The following TNNT2 variants were observed in gnomAD, a reference collection of about 807,000 sequenced individuals.
TNNT2 encodes troponin T, cardiac muscle.
Under a neutral mutation model 62.4 loss-of-function variants are expected in TNNT2, and 34 were observed. That is an observed-to-expected ratio of 0.54 (90% CI 0.41 to 0.72). TNNT2 has a LOEUF of 0.72. TNNT2 is among the 30% of genes least tolerant of loss of function. The probability of loss-of-function intolerance (pLI) is 0.00; values close to 1 mark genes in which losing one functional copy is unlikely to be tolerated. For synonymous variants in TNNT2, 123 were observed against 127.2 expected, an observed-to-expected ratio of 0.97 and a Z score of 0.22; for missense variants, 275 against 381.9, an observed-to-expected ratio of 0.72 and a Z score of 2.33.
chr1:201,365,211 C>T lies in TNNT2; in HGVS notation c.391G>A (p.Val131Ile), dbSNP rs537067344. ...CCTACGATCCTGTCTTTGAGAGAAACGAGCTCCTCCTCCTCTTTCTTCCTG... is the reference window on the plus strand; with the variant it reads ...CCTACGATCCTGTCTTTGAGAGAAATGAGCTCCTCCTCCTCTTTCTTCCTG... ...ENRKKEEEEL[V>I]SLKDRIERRR... Residue 131 changes from valine to isoleucine, a missense_variant, in exon 10 of 17, where the codon GTT becomes ATT. Physicochemically the swap from Val to Ile is conservative, Grantham distance 29 (BLOSUM62 3). Transcript: ENST00000656932. The T allele has an allele frequency of 5.1e-5, 82 of 1,614,058 alleles. No homozygotes were observed. The highest frequency in any genetic ancestry group is 5.6e-5 in the Non-Finnish European group (66 of 1,179,910).
chr1:201,365,638 A>T lies in TNNT2; in HGVS notation c.266T>A (p.Ile89Asn), dbSNP rs121964855. The change falls in exon 9 of 17, where the codon ATC (isoleucine) becomes AAC (asparagine). Residue 89 changes from isoleucine (I) to asparagine (N), a missense_variant. Ile to Asn is a moderately radical substitution (Grantham distance 149). Transcript: ENST00000656932. ...SFMPNLVPPK[I>N]PDGERVDFDD... ...AAAGTCCACTCTCTCTCCATCGGGG[A>T]TCTTGGGAGGCACCAAGTTGGGCAT... 2 of 1,613,916 alleles carry T rather than the reference A, an allele frequency of 1.2e-6. No individual in the cohort carries two copies. The highest frequency in any genetic ancestry group is 1.7e-6 in the Non-Finnish European group (2 of 1,180,000).
intron 2 of TNNT2, 185 bp downstream of exon 2, chr1:201,373,029 C>T: frequency 1.4e-6 from 1 of 734,656 alleles, no homozygotes; most frequent in Non-Finnish European, 2.5e-6. Context: ...CTGTGCTCTG[C>T]CTGGGATCTA....
intron 8 of TNNT2, chr1:201,366,367 C>A: frequency 1.7e-5 from 18 of 1,032,664 alleles, no homozygotes; most frequent in Non-Finnish European, 2.1e-5. Flanking sequence ...CCCCCAGCCC[C>A]CCCCAGCACA....
intron 8 of TNNT2, chr1:201,366,561 G>A (rs967324429): frequency 1.5e-6 from 2 of 1,347,216 alleles, no homozygotes; most frequent in Non-Finnish European, 1.9e-6. Flanking sequence ...TGTGAGAGAG[G>A]AGAGTGTCCG....
intron 15 of TNNT2, chr1:201,361,030 G>C: frequency 1.8e-6 from 1 of 560,718 alleles, no homozygotes; most frequent in South Asian, 1.9e-5. Context: ...AGACCCCCAG[G>C]GTTGGAACAC....
intron 1 of TNNT2, among the ~76,000 whole-genome samples, chr1:201,376,447 G>A (rs1038030682): frequency 2.0e-5 from 3 of 152,096 alleles, no homozygotes; most frequent in Non-Finnish European, 2.9e-5. Context: ...CCCAGCACTC[G>A]AATGGGATTT....
chr1:201,369,897 C>A, intron 4 of TNNT2, 52 bp from the exon 5 acceptor site: 1 of 1,612,648 alleles, frequency 6.2e-7, no homozygotes, highest in Non-Finnish European at 8.5e-7. Flanking sequence ...ACAGGTTAGT[C>A]TGGGAGCAGA....
In TNNT2 at chr1:201,365,466, T is replaced by A; in HGVS notation, c.294+144A>T. 2.5e-6 allele frequency: 3 copies of A among 1,200,314 alleles called. No homozygotes were observed. In the South Asian group the frequency reaches 3.7e-5, roughly 15 times the overall value. The allele number at this position is 1,200,314 out of a possible 1,614,324, so 74.4% of individuals were successfully genotyped here. ...CTGTGGCCTGAACCCAGGACCACGC[T>A]CATGGATGGGCACCCAGCCTGGCTG... On this transcript the variant is annotated intron_variant, in intron 9 of 16. Transcript: ENST00000656932.
rs1464219248 is a variant in TNNT2, at chr1:201,360,863, G to A, written c.810+416C>T. ...GGACTCCGAAAGACTGTGAGCTTGA[G>A]GCTCAGCCTAATTGTGCCCACACCA... On this transcript the variant is annotated intron_variant, in intron 15 of 16. Coordinates refer to ENST00000656932, the MANE Select transcript of TNNT2 (RefSeq NM_001276345.2). The A allele has an allele frequency of 1.5e-5, 5 of 323,604 alleles. No individual in the cohort carries two copies. The East Asian group carries it at 4.0e-4, about 26-fold the overall frequency. 20.0% of individuals were successfully genotyped at this position (323,604 alleles called of 1,614,324 possible).
chr1:201,366,593 G>A, intron 8 of TNNT2: 2 of 1,405,796 alleles, frequency 1.4e-6, no homozygotes, highest in Non-Finnish European at 9.3e-7. Flanking sequence ...TCCTCTAGAA[G>A]AACATAGCCC....
chr1:201,359,052 G>A lies in TNNT2; in HGVS notation c.*158C>T, dbSNP rs1368190972. 1.2e-6 allele frequency: 1 copy of A among 816,370 alleles called. No homozygotes were observed. The highest frequency in any genetic ancestry group is 1.7e-5 in the African/African-American group (1 of 59,250). 50.6% of individuals were successfully genotyped at this position (816,370 alleles called of 1,614,324 possible). On this transcript the variant is annotated 3_prime_UTR_variant, in exon 17 of 17. Transcript: ENST00000656932. ...GCTTTTTATTACTGGTGTGGAGTGG[G>A]TGTGGGGGCAGGCAGGAGTGGTGGC...
At chr1:201,359,405 G>T in intron 16 of TNNT2, 150 bp from the exon 17 acceptor site, 1 of 1,110,822 alleles carries the variant, frequency 9.0e-7, no homozygotes, top group Non-Finnish European at 1.3e-6. Context: ...GAGGCTGGAG[G>T]GAAGCTTCTC....
At chr1:201,372,894 C>T (rs576579164) in intron 2 of TNNT2, among the ~76,000 whole-genome samples, 5 of 152,204 alleles carry the variant, frequency 3.3e-5, no homozygotes, top group Admixed American at 3.3e-4. Flanking sequence ...AGTCACTGAA[C>T]CTTCCTCAGT....
At chr1:201,368,426 GC>G (rs1225391826) in intron 5 of TNNT2, 199 bp from the exon 6 acceptor site, 1 of 658,382 alleles carries the variant, frequency 1.5e-6, no homozygotes, top group Non-Finnish European at 2.8e-6. Context: ...ACCCAGCTTA[GC>G]CCCACTCATC....
chr1:201,376,798 G>A (rs1661461381), intron 1 of TNNT2, among the ~76,000 whole-genome samples: 1 of 152,216 alleles, frequency 6.6e-6, no homozygotes, highest in East Asian at 1.9e-4. Context: ...AGCAAGGCTT[G>A]TCCCAAGATG....
Position 201,362,020 on chromosome 1 carries a change from T to G in TNNT2, c.612A>C (p.Thr204=), listed in dbSNP as rs1198625873. Reference sequence around the variant, plus strand: ...TCTGCCTCTTCCCACTTTTCCGCTCTGTCTGGAGGGTGTGGGAAGCAGAGT... The same window carrying G: ...TCTGCCTCTTCCCACTTTTCCGCTCGGTCTGGAGGGTGTGGGAAGCAGAGT... ...FGGYIQKQAQ[T]ERKSGKRQTE... The change falls in exon 14 of 17, where the codon ACA becomes ACC. Residue 204 remains threonine (T), a splice_region_variant and synonymous_variant. Transcript: ENST00000656932. 1 of 1,614,162 alleles carries G rather than the reference T, an allele frequency of 6.2e-7. No individual in the cohort carries two copies. Among genetic ancestry groups the G allele is most frequent in the Non-Finnish European group, 8.5e-7 (1 of 1,180,020 alleles).
Position 201,368,176 on chromosome 1 carries a change from T to A in TNNT2, c.149A>T (p.Glu50Val). Residue 50 changes from glutamate to valine, a missense_variant, in exon 6 of 17, where the codon GAG becomes GTG. Transcript: ENST00000656932. ...EDAEAEAETE[E>V]TRAEEDEEEE... ...CAGAGACTTACCTTCTGCCCTGGTC[T>A]CCTCGGTCTCAGCCTCTGCTTCAGC... 1 of 1,614,104 alleles carries A rather than the reference T, an allele frequency of 6.2e-7. No homozygotes were observed. The highest frequency in any genetic ancestry group is 2.2e-5 in the East Asian group (1 of 44,886).
intron 5 of TNNT2, chr1:201,369,449 C>G (rs116640473): frequency 2.1e-6 from 1 of 485,582 alleles, no homozygotes; most frequent in South Asian, 1.5e-5. Context: ...TAAGGAGGGC[C>G]CAGCATGGAA....
chr1:201,376,895 A>G (rs981201570), intron 1 of TNNT2, among the ~76,000 whole-genome samples: 8 of 152,240 alleles, frequency 5.3e-5, no homozygotes, highest in African/African-American at 1.9e-4. Context: ...CTCACACCCA[A>G]GGACAGGTTC....
Sources: allele counts gnomAD v4.1 joint callset (sites outside exome capture counted in the v4.1 genomes callset), GRCh38; gene constraint gnomAD v4.1.1; transcripts MANE v1.5; gene names NCBI Gene and HGNC (gene_info 2026-07-23, HGNC 2026-07-21).